DBX2: variants seen among roughly 807,000 people sequenced by gnomAD.
DBX2 encodes developing brain homeobox 2.
In DBX2, 16 loss-of-function variants were observed where a neutral mutation model predicts 17.7. That is an observed-to-expected ratio of 0.90 (90% CI 0.61 to 1.37). The LOEUF (loss-of-function observed/expected upper bound fraction) is 1.37, where lower values mean the gene tolerates loss of function less well. Ranked by LOEUF, DBX2 falls within the 40% of genes most tolerant of loss-of-function variation. The probability of loss-of-function intolerance (pLI) is 0.00; values close to 1 mark genes in which losing one functional copy is unlikely to be tolerated. For synonymous variants in DBX2, 255 were observed against 183.8 expected (o/e 1.39, Z -3.13); for missense variants, 538 against 433.8 (o/e 1.24, Z -2.13).
At chr12:45,024,216 A>G (rs1946368674) in intron 2 of DBX2, among the ~76,000 whole-genome samples, 1 of 152,132 alleles carries the variant, frequency 6.6e-6, no homozygotes, top group Non-Finnish European at 1.5e-5. Context: ...TTTGCTCTGC[A>G]CTTCTCATTC....
intron 3 of DBX2, 113 bp from the exon 4 acceptor site, chr12:45,016,731 G>C (rs929628671): frequency 2.0e-6 from 2 of 983,528 alleles, no homozygotes; most frequent in Non-Finnish European, 2.8e-6. Context: ...TATTATGACA[G>C]CCAACCTCAA....
At chr12:45,030,405 T>C (rs558105504) in intron 2 of DBX2, among the ~76,000 whole-genome samples, 5 of 152,374 alleles carry the variant, frequency 3.3e-5, no homozygotes, top group African/African-American at 1.2e-4. Flanking sequence ...CAATAACTCA[T>C]GTTAATCTCT....
chr12:45,033,664 A>G lies in DBX2; in HGVS notation c.499+2355T>C, dbSNP rs141648292. Among the ~76,000 whole-genome samples, 36 of 152,308 alleles carry G rather than the reference A, an allele frequency of 2.4e-4. No individual in the cohort carries two copies. The East Asian group carries it at 6.2e-3, about 26-fold the overall frequency. ...TATATGAAATTCATTTTAGAGTTAT[A>G]ACTAATAATATGAGAAACTATCATT... On this transcript the variant is annotated intron_variant, in intron 2 of 3. Transcript: ENST00000332700.
intron 1 of DBX2, among the ~76,000 whole-genome samples, chr12:45,048,172 AT>A (rs1347056489): frequency 6.6e-6 from 1 of 152,188 alleles, no homozygotes; most frequent in African/African-American, 2.4e-5. Flanking sequence ...AGAAGCATAA[AT>A]CCCGCAGTTA....
rs752596730 is a variant in DBX2, at chr12:45,036,101, A to G, written c.417T>C (p.Pro139=). Residue 139 remains proline (P), a synonymous_variant, in exon 2 of 4, where the codon CCT becomes CCC. Transcript: ENST00000332700. The stretch of plus-strand genomic sequence containing the variant: ...AGAATGGCGGGGTGCTCAGAAGGAA[A>G]GGTTTGGAAGGTGCTGCAGAGAAAG... ...FQPSAPAPSK[P]FLLSTPPFYS... is the part of the protein sequence containing the mutation. The G allele has an allele frequency of 6.2e-7, 1 of 1,612,246 alleles. No individual in the cohort carries two copies. Among genetic ancestry groups the G allele is most frequent in the South Asian group, 1.1e-5 (1 of 90,518 alleles).
chr12:45,016,116 G>C lies in DBX2; in HGVS notation c.*170C>G, dbSNP rs1015234153. ...TATTCCACTTACAAATTAAGCCTGA[G>C]TCTAGGGCCAAACAAGAGAACACTA... is the stretch of plus-strand genomic sequence containing the variant. On this transcript the variant is annotated 3_prime_UTR_variant, in exon 4 of 4. Coordinates refer to ENST00000332700, the MANE Select transcript of DBX2 (RefSeq NM_001004329.3). The C allele has an allele frequency of 1.6e-6, 1 of 628,714 alleles. No homozygotes were observed. Among genetic ancestry groups the C allele is most frequent in the African/African-American group, 1.9e-5 (1 of 53,636 alleles). 38.9% of individuals were successfully genotyped at this position (628,714 alleles called of 1,614,324 possible). A position where few individuals can be genotyped will look rare whatever the true frequency, so the allele number is the denominator to read the frequency against.
chr12:45,030,739 C>T (rs989339447), intron 2 of DBX2, among the ~76,000 whole-genome samples: 1 of 151,460 alleles, frequency 6.6e-6, no homozygotes, highest in Admixed American at 6.5e-5. Context: ...TATCCCCCAA[C>T]TTTGTAAGGA....
intron 2 of DBX2, among the ~76,000 whole-genome samples, chr12:45,031,191 AGTGT>A (rs113442613): frequency 1.0e-4 from 10 of 99,388 alleles, no homozygotes; most frequent in African/African-American, 2.9e-4. Context: ...CTTATTTTCA[AGTGT>A]GTGTGTGTGT....
At chr12:45,040,126 T>C (rs1946463502) in intron 1 of DBX2, among the ~76,000 whole-genome samples, 2 of 152,246 alleles carry the variant, frequency 1.3e-5, no homozygotes, top group South Asian at 4.1e-4. Flanking sequence ...AGACCCACCC[T>C]TAATCTGGGT....
chr12:45,020,674 T>G (rs1946346823), intron 3 of DBX2, among the ~76,000 whole-genome samples: 1 of 91,474 alleles, frequency 1.1e-5, no homozygotes, highest in Admixed American at 1.4e-4. Context: ...TGTATATATA[T>G]GTATATATAT....
chr12:45,036,273 T>C (rs1019562883), intron 1 of DBX2, among the ~76,000 whole-genome samples, 159 bp from the exon 2 acceptor site: 1 of 152,216 alleles, frequency 6.6e-6, no homozygotes, highest in Non-Finnish European at 1.5e-5. Context: ...TCAAAGAGCA[T>C]GCCAAATAAT....
chr12:45,037,676 C>T (rs1010734100), intron 1 of DBX2, among the ~76,000 whole-genome samples: 22 of 152,006 alleles, frequency 1.4e-4, no homozygotes, highest in African/African-American at 4.8e-4. Context: ...TGTATTTTAA[C>T]GAACTGATGA....
intron 3 of DBX2, among the ~76,000 whole-genome samples, chr12:45,019,307 A>T (rs1385113444): frequency 2.0e-5 from 3 of 152,106 alleles, no homozygotes; most frequent in African/African-American, 7.2e-5. Flanking sequence ...ATAGAAAAAA[A>T]GATGCAGCCA....
At chr12:45,049,634 A>C (rs2137034617) in intron 1 of DBX2, among the ~76,000 whole-genome samples, 1 of 150,902 alleles carries the variant, frequency 6.6e-6, no homozygotes, top group Non-Finnish European at 1.5e-5. Context: ...GATTAAAAGA[A>C]TGAGTTAAGA....
intron 1 of DBX2, among the ~76,000 whole-genome samples, chr12:45,043,742 A>G (rs1239237102): frequency 6.6e-6 from 1 of 152,226 alleles, no homozygotes; most frequent in African/African-American, 2.4e-5. Context: ...TTGTTCTTCA[A>G]GCCACTGAGT....
chr12:45,016,588 T>A lies in DBX2; in HGVS notation c.718A>T (p.Lys240Ter). 1 of 1,550,112 alleles carries A rather than the reference T, an allele frequency of 6.5e-7. No homozygotes were observed. The highest frequency in any genetic ancestry group is 8.7e-7 in the Non-Finnish European group (1 of 1,151,318). ...VKIWFQNRRM[K>*]WRNSKEKEVL... Reference sequence around the variant, plus strand: ...TCCTTTTCTTTGGAATTCCGCCATTTCATCCTCCTGTTCTGAAACCAAATT... The same window carrying A: ...TCCTTTTCTTTGGAATTCCGCCATTACATCCTCCTGTTCTGAAACCAAATT... The change falls in exon 4 of 4, where the codon AAA becomes TAA. Residue 240 changes from lysine to a stop codon, truncating the protein, a stop_gained. Coordinates refer to ENST00000332700, the MANE Select transcript of DBX2 (RefSeq NM_001004329.3). LOFTEE classifies it low-confidence loss of function (END_TRUNC).
intron 2 of DBX2, among the ~76,000 whole-genome samples, chr12:45,033,632 A>G (rs1427800816): frequency 6.6e-6 from 1 of 152,204 alleles, no homozygotes; most frequent in African/African-American, 2.4e-5. Context: ...AACATTATAA[A>G]TAAGAATATA....
intron 1 of DBX2, among the ~76,000 whole-genome samples, chr12:45,037,855 C>T (rs1382700227): frequency 1.3e-5 from 2 of 151,822 alleles, no homozygotes; most frequent in Non-Finnish European, 2.9e-5. Flanking sequence ...AACATTAATG[C>T]TTTTAGGTTT....
intron 1 of DBX2, among the ~76,000 whole-genome samples, chr12:45,044,209 A>G (rs538885186): frequency 6.0e-5 from 9 of 150,458 alleles, no homozygotes; most frequent in African/African-American, 2.0e-4. Context: ...ATTCTGTTCT[A>G]GCTTTAAACA....
Sources: allele counts gnomAD v4.1 joint callset (sites outside exome capture counted in the v4.1 genomes callset), GRCh38; gene constraint gnomAD v4.1.1; transcripts MANE v1.5; gene names NCBI Gene and HGNC (gene_info 2026-07-23, HGNC 2026-07-21).